NALCN: variants seen among roughly 807,000 people sequenced by gnomAD.
The protein encoded by NALCN is sodium leak channel, non-selective, also known as sodium leak channel NALCN.
A neutral mutation model predicts 225.3 loss-of-function variants in NALCN; 111 were observed. The observed-to-expected ratio is 0.49, with a 90% CI of 0.42 to 0.58. The LOEUF is 0.58. Ranked by LOEUF, NALCN falls within the 20% of genes least tolerant of loss-of-function variation. NALCN has a pLI of 0.00. For missense variants in NALCN, 1,378 were observed against 2,202.4 expected (o/e 0.63, Z 7.49); for synonymous variants, 764 against 769.0 (o/e 0.99, Z 0.11).
chr13:101,276,398 A>AAGTGG (rs937161359), intron 10 of NALCN, among the ~76,000 whole-genome samples: 8 of 152,226 alleles, frequency 5.3e-5, no homozygotes, highest in Non-Finnish European at 1.2e-4. Flanking sequence ...AAATTTTAAC[A>AAGTGG]AGTGGCGTTA....
intron 13 of NALCN, among the ~76,000 whole-genome samples, chr13:101,222,531 G>A (rs1013668775): frequency 6.6e-6 from 1 of 151,954 alleles, no homozygotes; most frequent in African/African-American, 2.4e-5. Context: ...TTTATAGATG[G>A]CAGTGCATCA....
chr13:101,273,367 T>G (rs1018761642), intron 10 of NALCN, among the ~76,000 whole-genome samples: 1 of 152,178 alleles, frequency 6.6e-6, no homozygotes, highest in Non-Finnish European at 1.5e-5. Flanking sequence ...CTTGGTTTGG[T>G]GCTAAAAGAG....
At chr13:101,277,857 CTG>C (rs1233468728) in intron 10 of NALCN, among the ~76,000 whole-genome samples, 2 of 152,206 alleles carry the variant, frequency 1.3e-5, no homozygotes, top group Admixed American at 6.5e-5. Context: ...AGTTGGGAAA[CTG>C]AGGCACAATA....
intron 3 of NALCN, among the ~76,000 whole-genome samples, chr13:101,394,368 C>G (rs139996551): frequency 1.3e-5 from 2 of 152,148 alleles, no homozygotes; most frequent in Non-Finnish European, 1.5e-5. Flanking sequence ...AAATAAAACA[C>G]TTTCTCACCA....
At chr13:101,254,370 CAAAAAAAAAAA>C (rs66465051) in intron 11 of NALCN, among the ~76,000 whole-genome samples, 2 of 68,062 alleles carry the variant, frequency 2.9e-5, no homozygotes, top group African/African-American at 1.4e-4. Flanking sequence ...GGGACTGTCT[CAAAAAAAAAAA>C]AAAAAAAAAA....
At chr13:101,324,991 G>A (rs1400117405) in intron 7 of NALCN, among the ~76,000 whole-genome samples, 4 of 152,168 alleles carry the variant, frequency 2.6e-5, no homozygotes, top group Non-Finnish European at 4.4e-5. Flanking sequence ...ATGAAGGGCT[G>A]TTGCATTGGG....
chr13:101,153,568 G>C (rs1381159234), intron 15 of NALCN, among the ~76,000 whole-genome samples: 1 of 152,196 alleles, frequency 6.6e-6, no homozygotes, highest in Admixed American at 6.5e-5. Flanking sequence ...TCTTCAAAGA[G>C]ATGCTTACAG....
intron 13 of NALCN, among the ~76,000 whole-genome samples, chr13:101,222,103 C>G (rs1268716702): frequency 6.6e-6 from 1 of 152,156 alleles, no homozygotes; most frequent in African/African-American, 2.4e-5. Context: ...GGACTATTAG[C>G]CCAACTTATG....
At chr13:101,306,256 C>T (rs1157952625) in intron 7 of NALCN, among the ~76,000 whole-genome samples, 2 of 152,186 alleles carry the variant, frequency 1.3e-5, no homozygotes, top group African/African-American at 2.4e-5. Context: ...TTGAGAGGTG[C>T]TGCATTCCCC....
At chr13:101,417,113 A>G (rs1309839120), upstream of NALCN, among the ~76,000 whole-genome samples, 1 of 152,174 alleles carries the variant, frequency 6.6e-6, no homozygotes, top group Non-Finnish European at 1.5e-5. Context: ...CCCTGTGAGT[A>G]TACCTGGACA....
chr13:101,149,285 T>TCC (rs1491149617), intron 15 of NALCN, among the ~76,000 whole-genome samples: 2 of 70,814 alleles, frequency 2.8e-5, no homozygotes, highest in African/African-American at 1.2e-4. Context: ...ACAGCGAGAC[T>TCC]GTCTCAAAAA....
intron 30 of NALCN, among the ~76,000 whole-genome samples, chr13:101,084,638 T>C (rs1198743806): frequency 6.6e-6 from 1 of 152,218 alleles, no homozygotes; most frequent in African/African-American, 2.4e-5. Context: ...CATTGAACAG[T>C]ATACTTTCCA....
At chr13:101,137,881 T>G (rs1265678677) in intron 17 of NALCN, among the ~76,000 whole-genome samples, 1 of 152,194 alleles carries the variant, frequency 6.6e-6, no homozygotes, top group East Asian at 1.9e-4. Context: ...GTATTTAACA[T>G]TATTACATTA....
chr13:101,340,504 C>T (rs1297356419), intron 7 of NALCN, among the ~76,000 whole-genome samples: 12 of 152,124 alleles, frequency 7.9e-5, no homozygotes, highest in South Asian at 4.1e-4. Context: ...GTTCATTCTG[C>T]GTTTGTTCTA....
At chr13:101,189,101 T>G (rs1288256415) in intron 14 of NALCN, among the ~76,000 whole-genome samples, 1 of 152,214 alleles carries the variant, frequency 6.6e-6, no homozygotes, top group Admixed American at 6.5e-5. Flanking sequence ...GGGATGCCCC[T>G]TATCCTCTAT....
intron 3 of NALCN, among the ~76,000 whole-genome samples, chr13:101,384,600 C>T (rs1018226300): frequency 1.3e-5 from 2 of 152,116 alleles, no homozygotes; most frequent in African/African-American, 4.8e-5. Flanking sequence ...TTCAACAGTG[C>T]TTAAAGGATG....
intron 7 of NALCN, among the ~76,000 whole-genome samples, chr13:101,302,152 A>G (rs1392619639): frequency 6.6e-6 from 1 of 152,198 alleles, no homozygotes; most frequent in East Asian, 1.9e-4. Flanking sequence ...AGAACCAAGC[A>G]TTTGGCAAAA....
Position 101,068,020 on chromosome 13 carries a change from C to A in NALCN, c.4344G>T (p.Glu1448Asp). Residue 1448 changes from glutamate to aspartate, a missense_variant, in exon 39 of 44, where the codon GAG becomes GAT. This residue lies in a region of NALCN where 16 missense variants were observed against 66.7 expected (regional missense o/e 0.24). Coordinates refer to ENST00000251127, the MANE Select transcript of NALCN (RefSeq NM_052867.4). ...CAGTGGAATAAAACAAGGAGAAATTCTCCACAATTATGGCTTTTAAAAAAA... is the reference window on the plus strand; with the variant it reads ...CAGTGGAATAAAACAAGGAGAAATTATCCACAATTATGGCTTTTAAAAAAA... Reference protein sequence around the residue: ...MLNLLVAIIVENFSLFYSTEE... With the variant: ...MLNLLVAIIVDNFSLFYSTEE... 1 of 1,605,162 alleles carries A rather than the reference C, an allele frequency of 6.2e-7. No individual in the cohort carries two copies. Among genetic ancestry groups the A allele is most frequent in the Non-Finnish European group, 8.5e-7 (1 of 1,176,586 alleles).
At chr13:101,360,712 G>A (rs2046228169) in intron 6 of NALCN, among the ~76,000 whole-genome samples, 1 of 152,138 alleles carries the variant, frequency 6.6e-6, no homozygotes, top group South Asian at 2.1e-4. Context: ...GAACATGTAA[G>A]AGTCACTAAA....
Sources: allele counts gnomAD v4.1 joint callset (sites outside exome capture counted in the v4.1 genomes callset), GRCh38; gene constraint gnomAD v4.1.1; regional missense constraint gnomAD v4.1.1; transcripts MANE v1.5; gene names NCBI Gene and HGNC (gene_info 2026-07-23, HGNC 2026-07-21).